Variants in RHOU observed in about 807,000 individuals in gnomAD.
The protein encoded by RHOU is ras homolog family member U, also known as rho-related GTP-binding protein RhoU.
RHOU carries 8 observed loss-of-function variants against 12.6 expected under a neutral mutation model. The ratio of observed to expected loss-of-function variants is 0.64; its 90% CI spans 0.37 to 1.15. The LOEUF (loss-of-function observed/expected upper bound fraction) is 1.15. Among genes scored for constraint, RHOU ranks in the 50% most tolerant of loss-of-function variants. The pLI, the probability that RHOU is intolerant of heterozygous loss-of-function variation, is 0.01. For synonymous variants in RHOU, 161 were observed against 147.4 expected (o/e 1.09, Z -0.67); for missense variants, 258 against 347.0 (o/e 0.74, Z 2.04).
At chr1:228,656,394 T>A in the RHOU span, among the ~76,000 whole-genome samples, 1 of 152,238 alleles carries the variant, frequency 6.6e-6, no homozygotes, top group Non-Finnish European at 1.5e-5. Context: ...CACTTTTTGT[T>A]TTCTTTCTTT....
chr1:228,739,571 TA>T (rs1462381765), intron 2 of RHOU, among the ~76,000 whole-genome samples: 1 of 151,918 alleles, frequency 6.6e-6, no homozygotes, highest in Non-Finnish European at 1.5e-5. Context: ...TCAAAAAAAA[TA>T]AAACACAGGC....
chr1:228,672,474 T>A, the RHOU span, among the ~76,000 whole-genome samples: 5 of 152,334 alleles, frequency 3.3e-5, no homozygotes, highest in Non-Finnish European at 7.3e-5. Context: ...CATTTTCATA[T>A]TTTAAAAGAA....
At chr1:228,690,895 C>A in the RHOU span, among the ~76,000 whole-genome samples, 2 of 152,170 alleles carry the variant, frequency 1.3e-5, no homozygotes, top group African/African-American at 4.8e-5. Flanking sequence ...AGATTACAGG[C>A]GTGAGCCTCC....
chr1:228,660,920 C>T, the RHOU span, among the ~76,000 whole-genome samples: 1 of 126,916 alleles, frequency 7.9e-6, no homozygotes, highest in African/African-American at 3.3e-5. Flanking sequence ...GCAACAAGAG[C>T]GAAACTCTGT....
At chr1:228,708,935 A>C in the RHOU span, among the ~76,000 whole-genome samples, 6 of 152,352 alleles carry the variant, frequency 3.9e-5, no homozygotes, top group Admixed American at 1.3e-4. Context: ...AGAGACACAC[A>C]TAGGCTCAAA....
At chr1:228,683,699 AT>A in the RHOU span, among the ~76,000 whole-genome samples, 1 of 152,230 alleles carries the variant, frequency 6.6e-6, no homozygotes, top group African/African-American at 2.4e-5. Context: ...CAAAATCCAA[AT>A]TTTTCCAAAA....
chr1:228,717,273 A>C, the RHOU span, among the ~76,000 whole-genome samples: 1 of 152,218 alleles, frequency 6.6e-6, no homozygotes, highest in Admixed American at 6.5e-5. Flanking sequence ...TTGCTTCTGT[A>C]ATAACATCAT....
rs1005566287 is a variant in RHOU at position 228,735,859 on chromosome 1, G to A, written c.117G>A (p.Arg39=). The A allele has an allele frequency of 9.9e-6, 14 of 1,410,472 alleles. No homozygotes were observed. Among genetic ancestry groups the A allele is most frequent in the South Asian group, 1.5e-5 (1 of 65,230 alleles). The allele number at this position is 1,410,472 out of a possible 1,614,324, so 87.4% of individuals were successfully genotyped here. A position where few individuals can be genotyped will look rare whatever the true frequency, so the allele number is the denominator to read the frequency against. ...GCGGGCCTGGGGAGCCGGGGGGCCGGGGGCGTGCGGGGGGTGCCGAGGGGC... is the reference window on the plus strand; with the variant it reads ...GCGGGCCTGGGGAGCCGGGGGGCCGAGGGCGTGCGGGGGGTGCCGAGGGGC... ...GGRGPGEPGG[R]GRAGGAEGRG... Residue 39 remains arginine, a synonymous_variant, in exon 1 of 3, where the codon CGG becomes CGA. Transcript: ENST00000366691. The surrounding 1 kb of genome is among the most constrained non-coding windows in gnomAD (Gnocchi z 8.1).
At chr1:228,699,930 T>C in the RHOU span, among the ~76,000 whole-genome samples, 1 of 152,120 alleles carries the variant, frequency 6.6e-6, no homozygotes, top group East Asian at 1.9e-4. Flanking sequence ...ATACCTAAAG[T>C]TTTTATTATC....
At chr1:228,736,276 AAAAAT>A (rs1029792463) in intron 1 of RHOU, among the ~76,000 whole-genome samples, 7 of 151,974 alleles carry the variant, frequency 4.6e-5, no homozygotes, top group African/African-American at 1.2e-4. Context: ...AAAAAAAAAA[AAAAAT>A]CTCACAATTT....
At chr1:228,657,319 TAAAAAAA>T in the RHOU span, among the ~76,000 whole-genome samples, 1 of 74,190 alleles carries the variant, frequency 1.3e-5, no homozygotes, top group African/African-American at 5.1e-5. Flanking sequence ...AGAAAAAGAA[TAAAAAAA>T]AAAGAAAAAA....
intron 1 of RHOU, among the ~76,000 whole-genome samples, chr1:228,736,716 C>T (rs1662620262): frequency 6.6e-6 from 1 of 152,164 alleles, no homozygotes; most frequent in South Asian, 2.1e-4. Flanking sequence ...TGCCATTTCC[C>T]TTGGTAGATA....
At chr1:228,726,921 G>A in the RHOU span, among the ~76,000 whole-genome samples, 2 of 152,160 alleles carry the variant, frequency 1.3e-5, no homozygotes, top group African/African-American at 4.8e-5. Context: ...TTCTCACCTG[G>A]TCAGAGTAGG....
the RHOU span, among the ~76,000 whole-genome samples, chr1:228,676,696 C>T: frequency 1.3e-5 from 2 of 152,150 alleles, no homozygotes; most frequent in East Asian, 1.9e-4. Flanking sequence ...TTAGTTCTTG[C>T]AGGTTTTGGG....
chr1:228,703,078 G>A, the RHOU span, among the ~76,000 whole-genome samples: 9 of 152,180 alleles, frequency 5.9e-5, no homozygotes, highest in East Asian at 1.9e-4. Flanking sequence ...ATAAAGATCC[G>A]GTTAAGGCAG....
At chr1:228,650,425 C>T in the RHOU span, 1 of 456,954 alleles carries the variant, frequency 2.2e-6, no homozygotes, top group Non-Finnish European at 4.4e-6. Flanking sequence ...GTGGGGTCAG[C>T]GTGCTACTTG....
the RHOU span, among the ~76,000 whole-genome samples, chr1:228,648,514 T>TC: frequency 6.6e-6 from 1 of 152,122 alleles, no homozygotes; most frequent in Non-Finnish European, 1.5e-5. Flanking sequence ...TTGTTTTGGA[T>TC]CCCTTGCTGC....
At chr1:228,727,809 A>G in the RHOU span, among the ~76,000 whole-genome samples, 8 of 152,152 alleles carry the variant, frequency 5.3e-5, no homozygotes, top group Non-Finnish European at 5.9e-5. Flanking sequence ...AAATGATTAC[A>G]TGGCTAGTTC....
At chr1:228,725,808 A>T in the RHOU span, among the ~76,000 whole-genome samples, 1 of 152,240 alleles carries the variant, frequency 6.6e-6, no homozygotes, top group Non-Finnish European at 1.5e-5. Context: ...AAAGTAGTTG[A>T]TTGTTTAACG....
Sources: gnomAD v4.1 joint callset for allele counts (sites outside exome capture counted in the v4.1 genomes callset) on GRCh38, gnomAD v4.1.1 for gene constraint, Gnocchi (gnomAD v3.1) non-coding constraint, MANE v1.5 for transcripts, NCBI Gene and HGNC (gene_info 2026-07-23, HGNC 2026-07-21) for gene names.